Variants in ARHGAP22 observed in about 807,000 individuals in gnomAD.
ARHGAP22 encodes the protein rho GTPase-activating protein 22.
In ARHGAP22, 48 loss-of-function variants were observed where a neutral mutation model predicts 59.1. That is an observed-to-expected ratio of 0.81 (90% CI 0.64 to 1.03). The LOEUF (loss-of-function observed/expected upper bound fraction) is 1.03, where lower values mean the gene tolerates loss of function less well. ARHGAP22 is among the 50% of genes least tolerant of loss of function. The pLI is 0.00. For missense variants in ARHGAP22, 1,015 were observed against 958.7 expected (o/e 1.06, Z -0.78); for synonymous variants, 445 against 416.4 (o/e 1.07, Z -0.84).
At chr10:48,471,380 C>T (rs1287602608) in intron 4 of ARHGAP22, among the ~76,000 whole-genome samples, 2 of 152,236 alleles carry the variant, frequency 1.3e-5, no homozygotes, top group African/African-American at 4.8e-5. Context: ...TTGGGACAAA[C>T]AGCTTCAGGG....
chr10:48,457,172 C>G (rs2046617214), intron 5 of ARHGAP22, among the ~76,000 whole-genome samples: 1 of 152,112 alleles, frequency 6.6e-6, no homozygotes, highest in African/African-American at 2.4e-5. Flanking sequence ...CCCAGGGAAC[C>G]CCCCGCCCAC....
chr10:48,536,042 TG>T (rs1206826614), intron 3 of ARHGAP22, among the ~76,000 whole-genome samples: 1 of 152,180 alleles, frequency 6.6e-6, no homozygotes, highest in African/African-American at 2.4e-5. Flanking sequence ...GAGGCTGGCC[TG>T]GGTCCTGTTC....
intron 2 of ARHGAP22, among the ~76,000 whole-genome samples, chr10:48,565,410 C>T (rs1403934400): frequency 1.3e-5 from 2 of 152,178 alleles, no homozygotes; most frequent in Non-Finnish European, 2.9e-5. Context: ...AGGTCCTCCA[C>T]CAACCCGGCT....
At chr10:48,532,657 C>A in intron 3 of ARHGAP22, 1 of 147,388 alleles carries the variant, frequency 6.8e-6, no homozygotes, top group Non-Finnish European at 1.5e-5. Flanking sequence ...CCATGACAGG[C>A]CCCAGTGTGT....
intron 4 of ARHGAP22, among the ~76,000 whole-genome samples, chr10:48,465,017 G>A (rs777823596): frequency 1.1e-4 from 16 of 152,118 alleles, no homozygotes; most frequent in Middle Eastern, 3.2e-3. Context: ...TTCTGGGCCC[G>A]GCCTCCCTTA....
intron 2 of ARHGAP22, 97 bp from the exon 3 acceptor site, chr10:48,555,647 G>T: frequency 1.7e-6 from 2 of 1,166,514 alleles, no homozygotes; most frequent in Admixed American, 1.9e-5. Flanking sequence ...AGGACCTGGG[G>T]CCCTCCAGGC....
chr10:48,572,631 TC>T (rs1253727128), intron 2 of ARHGAP22, among the ~76,000 whole-genome samples: 1 of 152,180 alleles, frequency 6.6e-6, no homozygotes, highest in Non-Finnish European at 1.5e-5. Flanking sequence ...TATTCATAGC[TC>T]CTCCTGTAAC....
rs3853761 is a variant in ARHGAP22 at position 48,459,752 on chromosome 10, T to G, written c.591A>C (p.Pro197=). 6.2e-7 allele frequency: 1 copy of G among 1,614,082 alleles called. No homozygotes were observed. Among genetic ancestry groups the G allele is most frequent in the Non-Finnish European group, 8.5e-7 (1 of 1,180,050 alleles). ...GGTCCCTCACCAGGTTGGCCTGGCCTGGCATGCGGAACAGCCCCTCCTCAG... is the reference window on the plus strand; with the variant it reads ...GGTCCCTCACCAGGTTGGCCTGGCCGGGCATGCGGAACAGCCCCTCCTCAG... ...GLTEEGLFRM[P]GQANLVRDLQ... is the part of the protein sequence containing the mutation. Residue 197 remains proline, a synonymous_variant, in exon 5 of 10, where the codon CCA becomes CCC. Coordinates refer to ENST00000249601, the MANE Select transcript of ARHGAP22 (RefSeq NM_021226.4).
intron 3 of ARHGAP22, among the ~76,000 whole-genome samples, chr10:48,522,538 A>T (rs2053901151): frequency 1.3e-5 from 2 of 152,172 alleles, no homozygotes. Context: ...ACTCTTTACC[A>T]TGTTTACTGA....
At chr10:48,581,767 T>C (rs1034471948) in intron 2 of ARHGAP22, among the ~76,000 whole-genome samples, 5 of 152,236 alleles carry the variant, frequency 3.3e-5, no homozygotes, top group Admixed American at 2.6e-4. Flanking sequence ...AACGTCAATA[T>C]ACGGTATTTT....
At chr10:48,492,691 T>G (rs2050523599) in intron 3 of ARHGAP22, among the ~76,000 whole-genome samples, 1 of 152,064 alleles carries the variant, frequency 6.6e-6, no homozygotes, top group Non-Finnish European at 1.5e-5. Flanking sequence ...GTAGCTGGGA[T>G]TATGGGTACC....
chr10:48,444,271 G>A (rs1231819263), downstream of ARHGAP22: 2 of 152,166 alleles, frequency 1.3e-5, no homozygotes, highest in African/African-American at 4.8e-5. Flanking sequence ...TTGGGACCAG[G>A]TTCAGCAAAT....
chr10:48,596,681 C>T (rs959643853), intron 1 of ARHGAP22, among the ~76,000 whole-genome samples: 2 of 152,220 alleles, frequency 1.3e-5, no homozygotes, highest in Non-Finnish European at 2.9e-5. Flanking sequence ...GAAAACCCAC[C>T]CTCTGAGAAA....
Position 48,459,724 on chromosome 10 carries a change from G to A in ARHGAP22, c.619C>T (p.Gln207Ter). 1 of 1,614,150 alleles carries A rather than the reference G, an allele frequency of 6.2e-7. No homozygotes were observed. The highest frequency in any genetic ancestry group is 8.5e-7 in the Non-Finnish European group (1 of 1,180,034). ...PGQANLVRDL[Q>*]DSFDCGEKPL... Reference sequence around the variant, plus strand: ...TTCTCCCCACAGTCGAAGGAATCCTGCAGGTCCCTCACCAGGTTGGCCTGG... The same window carrying A: ...TTCTCCCCACAGTCGAAGGAATCCTACAGGTCCCTCACCAGGTTGGCCTGG... The change falls in exon 5 of 10, where the codon CAG becomes TAG. Residue 207 changes from glutamine to a stop codon, truncating the protein, a stop_gained. Coordinates refer to ENST00000249601, the MANE Select transcript of ARHGAP22 (RefSeq NM_021226.4). LOFTEE classifies it high-confidence loss of function.
Position 48,604,926 on chromosome 10 carries a change from G to T in ARHGAP22, c.-130C>A. On this transcript the variant is annotated 5_prime_UTR_variant, in exon 1 of 10. Coordinates refer to ENST00000249601, the MANE Select transcript of ARHGAP22 (RefSeq NM_021226.4). ...GGCCCCGTGGCCGCTGGCGTCACCC[G>T]TCAGGCTCCCTCGGCTACCTCTCCT... 1 of 1,561,906 alleles carries T rather than the reference G, an allele frequency of 6.4e-7. No homozygotes were observed. The highest frequency in any genetic ancestry group is 1.2e-5 in the South Asian group (1 of 86,928).
At chr10:48,619,065 T>C (rs1395124773) in intron 1 of ARHGAP22, among the ~76,000 whole-genome samples, 1 of 151,574 alleles carries the variant, frequency 6.6e-6, no homozygotes, top group Non-Finnish European at 1.5e-5. Flanking sequence ...AACGAACTAG[T>C]GGAAAAAGAT....
chr10:48,512,240 G>A (rs57587091), intron 3 of ARHGAP22, among the ~76,000 whole-genome samples: 215 of 152,366 alleles, frequency 1.4e-3, no homozygotes, highest in African/African-American at 5.0e-3. Context: ...ATTTCTCAAA[G>A]TGCACACCGG....
At chr10:48,647,420 G>C (rs7100371) in intron 1 of ARHGAP22, among the ~76,000 whole-genome samples, 2,286 of 152,186 alleles carry the variant, frequency 0.015, 65 homozygotes, top group African/African-American at 0.051. Context: ...GAAATAAAAA[G>C]GCATATGAAT....
intron 1 of ARHGAP22, among the ~76,000 whole-genome samples, chr10:48,612,341 G>C (rs1390629130): frequency 6.6e-6 from 1 of 152,238 alleles, no homozygotes; most frequent in Non-Finnish European, 1.5e-5. Flanking sequence ...CTCCCTCTTC[G>C]GAAGCTACAA....
Sources: allele counts gnomAD v4.1 joint callset (sites outside exome capture counted in the v4.1 genomes callset), GRCh38; gene constraint gnomAD v4.1.1; transcripts MANE v1.5; gene names NCBI Gene and HGNC (gene_info 2026-07-23, HGNC 2026-07-21).